PLPPR2: variants seen among roughly 807,000 people sequenced by gnomAD.
The protein encoded by PLPPR2 is phospholipid phosphatase-related protein type 2.
PLPPR2 carries 11 observed loss-of-function variants against 40.3 expected under a neutral mutation model. The ratio of observed to expected loss-of-function variants is 0.27; its 90% CI spans 0.17 to 0.45. The LOEUF is 0.45. Ranked by LOEUF, PLPPR2 falls within the 20% of genes least tolerant of loss-of-function variation. The pLI, the probability that PLPPR2 is intolerant of heterozygous loss-of-function variation, is 1.00. For missense variants in PLPPR2, 497 were observed against 640.7 expected (o/e 0.78, Z 2.42); for synonymous variants, 260 against 290.8 (o/e 0.89, Z 1.08).
intron 2 of PLPPR2, 53 bp from the exon 3 acceptor site, chr19:11,357,607 G>C: frequency 7.1e-7 from 1 of 1,410,996 alleles, no homozygotes; most frequent in Admixed American, 2.2e-5. Context: ...GGTGACCTGA[G>C]CCTTCCCCTA....
rs1318185513 is a variant in PLPPR2 at position 11,359,368 on chromosome 19, T to C, written c.67-164T>C. The C allele has an allele frequency of 1.1e-5, 6 of 564,620 alleles. No individual in the cohort carries two copies. Among genetic ancestry groups the C allele is most frequent in the Non-Finnish European group, 1.4e-5 (5 of 347,888 alleles). The allele number at this position is 564,620 out of a possible 1,614,324, so 35.0% of individuals were successfully genotyped here. ...CCTTCTCTCACCTCCTTTCCCCATT[T>C]CTCTCAGTCTCTCTCCCCCTTGTCT... On this transcript the variant is annotated intron_variant, in intron 3 of 9. Coordinates refer to ENST00000688289, the MANE Select transcript of PLPPR2 (RefSeq NM_001393892.1). This position sits in a 1 kb window ranked among gnomAD's most constrained non-coding sequence, Gnocchi z 5.6.
intron 5 of PLPPR2, among the ~76,000 whole-genome samples, 164 bp downstream of exon 5, chr19:11,360,120 C>T (rs1396186321): frequency 6.6e-6 from 1 of 152,146 alleles, no homozygotes. Context: ...CACCTGAGGT[C>T]AGGAGTTCAG....
chr19:11,358,984 G>A (rs1261433976), intron 3 of PLPPR2, among the ~76,000 whole-genome samples: 1 of 152,044 alleles, frequency 6.6e-6, no homozygotes, highest in Non-Finnish European at 1.5e-5. Context: ...CAAAGTGCTG[G>A]GATTACAAGC....
chr19:11,363,758 C>T lies in PLPPR2; in HGVS notation c.886C>T (p.Arg296Ter). 1.2e-6 allele frequency: 2 copies of T among 1,614,180 alleles called. No homozygotes were observed. The highest frequency in any genetic ancestry group is 1.7e-6 in the Non-Finnish European group (2 of 1,180,008). Residue 296 changes from arginine (R) to a stop codon, truncating the protein, a stop_gained, in exon 8 of 10, where the codon CGA becomes TGA. Transcript: ENST00000688289. LOFTEE classifies it high-confidence loss of function. The surrounding 1 kb of genome is among the most constrained non-coding windows in gnomAD (Gnocchi z 4.8). ...CTTTCAGAGCCGGCCACCCTCTGGC[C>T]GAAGGCTCTCTCCCTGGGAGGACCT... ...HNFQSRPPSG[R>*]RLSPWEDLGQ...
In PLPPR2 at chr19:11,359,408, C is replaced by T. The variant is rs1967982059; in HGVS notation, c.67-124C>T. 14 of 843,098 alleles carry T rather than the reference C, an allele frequency of 1.7e-5. No individual in the cohort carries two copies. Among genetic ancestry groups the T allele is most frequent in the Admixed American group, 3.6e-5 (1 of 27,962 alleles). The allele number at this position is 843,098 out of a possible 1,614,324, so 52.2% of individuals were successfully genotyped here. On this transcript the variant is annotated intron_variant, in intron 3 of 9. Transcript: ENST00000688289. The surrounding 1 kb of genome is among the most constrained non-coding windows in gnomAD (Gnocchi z 5.6). ...CCCCCTTGTCTCTGTCTCTCTCCAT[C>T]TTCTAGTTTCTGTCTCTAACCCATG...
chr19:11,356,008 T>C (rs1438022225), intron 1 of PLPPR2, among the ~76,000 whole-genome samples: 1 of 151,890 alleles, frequency 6.6e-6, no homozygotes, highest in Admixed American at 6.6e-5. Flanking sequence ...GCTGTCTCTG[T>C]GTGTGACTGT....
Position 11,361,305 on chromosome 19 carries a change from C to T in PLPPR2, c.480C>T (p.Ser160=), listed in dbSNP as rs199627828. 27 of 1,613,744 alleles carry T rather than the reference C, an allele frequency of 1.7e-5. No individual in the cohort carries two copies. The Admixed American group carries it at 3.5e-4, about 21-fold the overall frequency. The change falls in exon 6 of 10, where the codon TCC becomes TCT. Residue 160 remains serine, a synonymous_variant. Coordinates refer to ENST00000688289, the MANE Select transcript of PLPPR2 (RefSeq NM_001393892.1). This position sits in a 1 kb window ranked among gnomAD's most constrained non-coding sequence, Gnocchi z 6.3. ...GCAATCCCACGCCACACTTCCTGTC[C>T]GTGTGCCGCCCCAACTACACGGCCC... ...VTGNPTPHFL[S]VCRPNYTALG...
At chr19:11,356,417 G>C (rs1040793651) in intron 1 of PLPPR2, among the ~76,000 whole-genome samples, 4 of 147,640 alleles carry the variant, frequency 2.7e-5, no homozygotes, top group African/African-American at 5.1e-5. Flanking sequence ...ATGTGTGTAG[G>C]GTCTCCTGAC....
At position 11,361,039 on chromosome 19, in the gene PLPPR2, G is replaced by T. The variant is rs1170818083; in HGVS notation, c.392-178G>T. 6.6e-6 allele frequency among the ~76,000 whole-genome samples: 1 copy of T among 152,048 alleles called. No homozygotes were observed. The highest frequency in any genetic ancestry group is 2.4e-5 in the African/African-American group (1 of 41,390). ...GGCCAGATAATGAGGGTCCCTGGGG[G>T]CAGGAGGCCTCAGAGTACCTTCATG... On this transcript the variant is annotated intron_variant, in intron 5 of 9. Transcript: ENST00000688289. This position sits in a 1 kb window ranked among gnomAD's most constrained non-coding sequence, Gnocchi z 6.3.
At position 11,359,162 on chromosome 19, in the gene PLPPR2, C is replaced by T. The variant is rs1967975428; in HGVS notation, c.67-370C>T. The stretch of plus-strand genomic sequence containing the variant: ...TCTGGGTGAAGCAATCTTCCTTCCT[C>T]AGCCTCCCAAGTAGCTGGGACTATA... On this transcript the variant is annotated intron_variant, in intron 3 of 9. Coordinates refer to ENST00000688289, the MANE Select transcript of PLPPR2 (RefSeq NM_001393892.1). The surrounding 1 kb of genome is among the most constrained non-coding windows in gnomAD (Gnocchi z 5.6). Among the ~76,000 whole-genome samples, 1 of 152,114 alleles carries T rather than the reference C, an allele frequency of 6.6e-6. No homozygotes were observed. The highest frequency in any genetic ancestry group is 2.1e-4 in the South Asian group (1 of 4,830).
chr19:11,358,532 T>C (rs573238625), intron 3 of PLPPR2, among the ~76,000 whole-genome samples: 1 of 152,218 alleles, frequency 6.6e-6, no homozygotes, highest in African/African-American at 2.4e-5. Context: ...CATTTGAGCC[T>C]TGGCCCTAAT....
chr19:11,364,225 G>A lies in PLPPR2; in HGVS notation c.1015+13G>A, dbSNP rs772740649. On this transcript the variant is annotated intron_variant, in intron 9 of 9. Coordinates refer to ENST00000688289, the MANE Select transcript of PLPPR2 (RefSeq NM_001393892.1). This position sits in a 1 kb window ranked among gnomAD's most constrained non-coding sequence, Gnocchi z 5.8. ...CTCACCCCATCCAGTGAGTGTTGGG[G>A]GAGTGGGGGGCTAAACAGGGGGACT... 2 of 1,608,234 alleles carry A rather than the reference G, an allele frequency of 1.2e-6. No homozygotes were observed. Among genetic ancestry groups the A allele is most frequent in the Non-Finnish European group, 1.7e-6 (2 of 1,176,310 alleles).
At chr19:11,357,557 G>A (rs1350266760) in intron 2 of PLPPR2, 103 bp from the exon 3 acceptor site, 9 of 737,364 alleles carry the variant, frequency 1.2e-5, no homozygotes, top group African/African-American at 3.6e-5. Context: ...TCAGGGCCAG[G>A]GGTGTGGCCA....
Position 11,363,885 on chromosome 19 carries a change from G to A in PLPPR2, c.963+50G>A, listed in dbSNP as rs2144680051. ...CGGCTGGAGAGGGTGGTGGGTGGAG[G>A]GGGCCAAGGAGACAGGAAGGAAGTC... is the stretch of plus-strand genomic sequence containing the variant. On this transcript the variant is annotated intron_variant, in intron 8 of 9. Transcript: ENST00000688289. The surrounding 1 kb of genome is among the most constrained non-coding windows in gnomAD (Gnocchi z 4.8). The A allele has an allele frequency of 6.3e-7, 1 of 1,579,336 alleles. No individual in the cohort carries two copies. Among genetic ancestry groups the A allele is most frequent in the Non-Finnish European group, 8.6e-7 (1 of 1,160,730 alleles).
Position 11,364,840 on chromosome 19 carries a change from C to A in PLPPR2, c.*150C>A. 2.3e-6 allele frequency: 2 copies of A among 867,134 alleles called. No individual in the cohort carries two copies. The highest frequency in any genetic ancestry group is 3.3e-5 in the South Asian group (2 of 60,038). The allele number at this position is 867,134 out of a possible 1,614,324, so 53.7% of individuals were successfully genotyped here. On this transcript the variant is annotated 3_prime_UTR_variant, in exon 10 of 10. Coordinates refer to ENST00000688289, the MANE Select transcript of PLPPR2 (RefSeq NM_001393892.1). The surrounding 1 kb of genome is among the most constrained non-coding windows in gnomAD (Gnocchi z 5.8). ...GATGGCTAGAAGGACATTTAGGAGA[C>A]ATCTGCCTCTCTGGCCCTCTGAGAT...
Position 11,364,056 on chromosome 19 carries a change from G to C in PLPPR2, c.964-105G>C, listed in dbSNP as rs1968123021. On this transcript the variant is annotated intron_variant, in intron 8 of 9. Coordinates refer to ENST00000688289, the MANE Select transcript of PLPPR2 (RefSeq NM_001393892.1). The surrounding 1 kb of genome is among the most constrained non-coding windows in gnomAD (Gnocchi z 5.8). ...GGGGACACGGTTAATCATGAGAACT[G>C]TGGTTGTCTTTTCCATGGGGCTCTT... The C allele has an allele frequency of 6.9e-7, 1 of 1,452,562 alleles. No individual in the cohort carries two copies. Among genetic ancestry groups the C allele is most frequent in the Non-Finnish European group, 9.3e-7 (1 of 1,070,388 alleles). The allele number at this position is 1,452,562 out of a possible 1,614,324, so 90.0% of individuals were successfully genotyped here.
At chr19:11,357,231 G>C (rs1967912023) in intron 2 of PLPPR2, among the ~76,000 whole-genome samples, 1 of 152,110 alleles carries the variant, frequency 6.6e-6, no homozygotes, top group Non-Finnish European at 1.5e-5. Context: ...CGACTCAGGG[G>C]AAGGGTCTGG....
Position 11,363,742 on chromosome 19 carries a change from C to A in PLPPR2, c.870C>A (p.Ser290Arg), listed in dbSNP as rs780782200. The A allele has an allele frequency of 6.2e-7, 1 of 1,614,108 alleles. No individual in the cohort carries two copies. Among genetic ancestry groups the A allele is most frequent in the East Asian group, 2.2e-5 (1 of 44,894 alleles). Residue 290 changes from serine to arginine, a missense_variant, in exon 8 of 10, where the codon AGC becomes AGA. Transcript: ENST00000688289. This position sits in a 1 kb window ranked among gnomAD's most constrained non-coding sequence, Gnocchi z 4.8. ...CCTGCGTTGTGCATAACTTTCAGAG[C>A]CGGCCACCCTCTGGCCGAAGGCTCT... The part of the protein sequence containing the change: ...LVTCVVHNFQ[S>R]RPPSGRRLSP...
intron 3 of PLPPR2, among the ~76,000 whole-genome samples, chr19:11,358,990 C>A (rs1230369379): frequency 6.6e-6 from 1 of 152,162 alleles, no homozygotes. Flanking sequence ...GCTGGGATTA[C>A]AAGCATGAGC....
Sources: allele counts gnomAD v4.1 joint callset (sites outside exome capture counted in the v4.1 genomes callset), GRCh38; gene constraint gnomAD v4.1.1; non-coding constraint Gnocchi (gnomAD v3.1); transcripts MANE v1.5; gene names NCBI Gene and HGNC (gene_info 2026-07-23, HGNC 2026-07-21).